Variants in NKAIN2 observed in about 807,000 individuals in gnomAD.
The protein encoded by NKAIN2 is sodium/potassium-transporting ATPase subunit beta-1-interacting protein 2.
In NKAIN2, 14 loss-of-function variants were observed where a neutral mutation model predicts 32.6. The observed-to-expected ratio is 0.43, with a 90% CI of 0.28 to 0.67. The LOEUF (loss-of-function observed/expected upper bound fraction) is 0.67, where lower values mean the gene tolerates loss of function less well. NKAIN2 is among the 30% of genes least tolerant of loss of function. NKAIN2 has a pLI of 0.17. For missense variants in NKAIN2, 198 were observed against 258.3 expected, an observed-to-expected ratio of 0.77 and a Z score of 1.60; for synonymous variants, 80 against 87.2, an observed-to-expected ratio of 0.92 and a Z score of 0.46.
At chr6:124,667,767 G>A (rs553516762) in intron 4 of NKAIN2, among the ~76,000 whole-genome samples, 3 of 152,198 alleles carry the variant, frequency 2.0e-5, no homozygotes, top group African/African-American at 7.2e-5. Context: ...GCTATAAGAT[G>A]AGGGATAATT....
intron 3 of NKAIN2, among the ~76,000 whole-genome samples, chr6:124,587,204 A>G (rs1402521818): frequency 1.3e-5 from 2 of 152,168 alleles, no homozygotes; most frequent in Non-Finnish European, 2.9e-5. Flanking sequence ...TTGTTAAAAA[A>G]GGAGGGGTAA....
At chr6:124,318,993 C>T (rs975563563) in intron 2 of NKAIN2, among the ~76,000 whole-genome samples, 3 of 152,080 alleles carry the variant, frequency 2.0e-5, no homozygotes, top group Middle Eastern at 3.4e-3. Flanking sequence ...AATCAGAATG[C>T]TTTGCTTCTT....
At chr6:123,864,688 A>G (rs1775914745) in intron 1 of NKAIN2, among the ~76,000 whole-genome samples, 1 of 152,210 alleles carries the variant, frequency 6.6e-6, no homozygotes, top group Non-Finnish European at 1.5e-5. Flanking sequence ...GGAACAATAA[A>G]TGCAAAGCCC....
intron 1 of NKAIN2, among the ~76,000 whole-genome samples, chr6:124,003,533 A>G (rs1779958426): frequency 6.6e-6 from 1 of 152,202 alleles, no homozygotes; most frequent in Admixed American, 6.5e-5. Flanking sequence ...GGAGTGCCTA[A>G]TATGTGTCTG....
At chr6:124,348,539 CG>C (rs1004649657) in intron 2 of NKAIN2, among the ~76,000 whole-genome samples, 1 of 152,214 alleles carries the variant, frequency 6.6e-6, no homozygotes, top group Non-Finnish European at 1.5e-5. Context: ...TGGGCAATGG[CG>C]GGTGCCCCTC....
chr6:124,718,768 C>T (rs753902275), intron 4 of NKAIN2, among the ~76,000 whole-genome samples: 5 of 136,262 alleles, frequency 3.7e-5, no homozygotes, highest in African/African-American at 5.2e-5. Context: ...TTGAAAGTGA[C>T]GCTTATGCAG....
intron 3 of NKAIN2, among the ~76,000 whole-genome samples, chr6:124,397,757 C>A (rs759064199): frequency 6.6e-5 from 10 of 152,060 alleles, no homozygotes; most frequent in Non-Finnish European, 1.2e-4. Flanking sequence ...CCGTTTCAAA[C>A]CAGAAAACCT....
chr6:124,040,762 A>G (rs1781833951), intron 1 of NKAIN2, among the ~76,000 whole-genome samples: 1 of 152,016 alleles, frequency 6.6e-6, no homozygotes, highest in African/African-American at 2.4e-5. Context: ...GTTACCACGA[A>G]CAAGTTACTT....
chr6:124,128,412 C>T (rs1786293583), intron 1 of NKAIN2, among the ~76,000 whole-genome samples: 2 of 152,224 alleles, frequency 1.3e-5, no homozygotes, highest in South Asian at 4.2e-4. Context: ...TAGTTATGGG[C>T]TACTAAATTT....
intron 1 of NKAIN2, among the ~76,000 whole-genome samples, chr6:123,981,305 C>G (rs1746243008): frequency 6.6e-6 from 1 of 151,984 alleles, no homozygotes; most frequent in Non-Finnish European, 1.5e-5. Flanking sequence ...TATGCATATA[C>G]TTTAATTTAT....
At chr6:124,452,458 T>C (rs1776149181) in intron 3 of NKAIN2, among the ~76,000 whole-genome samples, 1 of 152,070 alleles carries the variant, frequency 6.6e-6, no homozygotes, top group South Asian at 2.1e-4. Flanking sequence ...ATGATCAATA[T>C]AATATTAGTG....
intron 3 of NKAIN2, among the ~76,000 whole-genome samples, chr6:124,564,100 T>A (rs750771163): frequency 1.1e-4 from 16 of 152,056 alleles, no homozygotes; most frequent in Admixed American, 7.9e-4. Flanking sequence ...CCACACTGGG[T>A]TTGAGGAAGT....
intron 3 of NKAIN2, among the ~76,000 whole-genome samples, chr6:124,620,517 A>G (rs1783067432): frequency 6.6e-6 from 1 of 152,164 alleles, no homozygotes. Flanking sequence ...CTGTTTTAGG[A>G]ATTACCAGAG....
At chr6:124,660,900 A>G (rs2114436856) in intron 4 of NKAIN2, among the ~76,000 whole-genome samples, 1 of 152,372 alleles carries the variant, frequency 6.6e-6, no homozygotes, top group South Asian at 2.1e-4. Flanking sequence ...CTCTGCAAAC[A>G]AAATTTCCTA....
chr6:124,077,905 T>G (rs1055598614), intron 1 of NKAIN2, among the ~76,000 whole-genome samples: 1 of 152,098 alleles, frequency 6.6e-6, no homozygotes, highest in Non-Finnish European at 1.5e-5. Flanking sequence ...TGACCCAAAT[T>G]TTTAAATTCT....
At chr6:124,406,831 G>T (rs1773881197) in intron 3 of NKAIN2, among the ~76,000 whole-genome samples, 1 of 152,186 alleles carries the variant, frequency 6.6e-6, no homozygotes, top group Admixed American at 6.6e-5. Context: ...GACTACTGAT[G>T]TTGATCATCT....
chr6:124,589,455 G>A lies in NKAIN2; in HGVS notation c.274-68731G>A, dbSNP rs145512355. Among the ~76,000 whole-genome samples the A allele has an allele frequency of 1.6e-4, 25 of 152,122 alleles. No homozygotes were observed. In the East Asian group the frequency reaches 4.4e-3, roughly 27 times the overall value. ...AATATAAACTTTTCTTGATAACGTG[G>A]GGTCACTATTAAAACCATGTTACCT... On this transcript the variant is annotated intron_variant, in intron 3 of 6. Coordinates refer to ENST00000368417, the MANE Select transcript of NKAIN2 (RefSeq NM_001040214.3).
At chr6:123,817,159 T>A (rs1045486198) in intron 1 of NKAIN2, among the ~76,000 whole-genome samples, 11 of 152,234 alleles carry the variant, frequency 7.2e-5, no homozygotes, top group African/African-American at 2.2e-4. Flanking sequence ...GTTTAATGAA[T>A]ATGTGAATGG....
At chr6:124,674,387 C>A (rs1376060746) in intron 4 of NKAIN2, among the ~76,000 whole-genome samples, 3 of 151,668 alleles carry the variant, frequency 2.0e-5, no homozygotes, top group Non-Finnish European at 4.4e-5. Flanking sequence ...TTTTCTATTT[C>A]TGCAAAAAAG....
Sources: allele counts gnomAD v4.1 joint callset (sites outside exome capture counted in the v4.1 genomes callset), GRCh38; gene constraint gnomAD v4.1.1; transcripts MANE v1.5; gene names NCBI Gene and HGNC (gene_info 2026-07-23, HGNC 2026-07-21).